C10orf88: variants seen among roughly 807,000 people sequenced by gnomAD.
The protein encoded by C10orf88 is chromosome 10 open reading frame 88, also known as ATPase PAAT.
A neutral mutation model predicts 34.2 loss-of-function variants in C10orf88; 29 were observed. The ratio of observed to expected loss-of-function variants is 0.85; its 90% confidence interval spans 0.63 to 1.16. The LOEUF (loss-of-function observed/expected upper bound fraction) is 1.16, where lower values mean the gene tolerates loss of function less well. Ranked by LOEUF, C10orf88 falls within the 50% of genes most tolerant of loss-of-function variation. The probability of loss-of-function intolerance (pLI) is 0.00; values close to 1 mark genes in which losing one functional copy is unlikely to be tolerated. For synonymous variants in C10orf88, 194 were observed against 197.4 expected (o/e 0.98, Z 0.15); for missense variants, 507 against 533.2 (o/e 0.95, Z 0.48).
Position 122,932,484 on chromosome 10 carries a change from A to C in C10orf88, c.1281T>G (p.Thr427=), listed in dbSNP as rs559444135. 1 of 1,614,076 alleles carries C rather than the reference A, an allele frequency of 6.2e-7. No individual in the cohort carries two copies. Among genetic ancestry groups the C allele is most frequent in the Non-Finnish European group, 8.5e-7 (1 of 1,179,980 alleles). ...DLLQNPNSPP[T]GIPLRHYDSG... is the part of the protein sequence containing the mutation. ...AGTCATAATGTCTTAGAGGTATCCC[A>C]GTGGGCGGGGAGTTAGGATTTTGCA... Residue 427 remains threonine (T), a synonymous_variant, in exon 6 of 6, where the codon ACT becomes ACG. Coordinates refer to ENST00000481909, the MANE Select transcript of C10orf88 (RefSeq NM_024942.4).
rs751782245 is a variant in C10orf88 at position 122,942,968 on chromosome 10, C to T, written c.649-4809G>A. On this transcript the variant is annotated intron_variant, in intron 4 of 5. Transcript: ENST00000481909. ...TACTGCCCAAGGTAATTTACAGATT[C>T]AATGCCATCCCCATCAAGCTACCAA... Among the ~76,000 whole-genome samples the T allele has an allele frequency of 4.3e-3, 651 of 149,816 alleles. 1 individual carries two copies. Among genetic ancestry groups the T allele is most frequent in the Non-Finnish European group, 6.7e-3 (454 of 67,500 alleles).
chr10:122,951,684 T>C (rs1848691246), intron 3 of C10orf88, among the ~76,000 whole-genome samples: 1 of 152,144 alleles, frequency 6.6e-6, no homozygotes, highest in Admixed American at 6.5e-5. Flanking sequence ...TTTAAAAAAT[T>C]TGCCAGGCAT....
At chr10:122,950,634 T>C (rs1437370288) in intron 3 of C10orf88, among the ~76,000 whole-genome samples, 1 of 152,218 alleles carries the variant, frequency 6.6e-6, no homozygotes, top group East Asian at 1.9e-4. Flanking sequence ...CACCATTAAA[T>C]ATAGTATTTA....
At chr10:122,953,462 T>C (rs1459770083) in intron 1 of C10orf88, among the ~76,000 whole-genome samples, 1 of 152,114 alleles carries the variant, frequency 6.6e-6, no homozygotes, top group East Asian at 1.9e-4. Context: ...AACACAGAAT[T>C]CATACGGAAA....
Position 122,932,536 on chromosome 10 carries a change from T to C in C10orf88, c.1229A>G (p.Asp410Gly), listed in dbSNP as rs1158169943. The C allele has an allele frequency of 1.9e-6, 3 of 1,614,036 alleles. No individual in the cohort carries two copies. The highest frequency in any genetic ancestry group is 2.5e-6 in the Non-Finnish European group (3 of 1,179,978). The change falls in exon 6 of 6, where the codon GAT becomes GGT. Residue 410 changes from aspartate to glycine, a missense_variant. Transcript: ENST00000481909. ...RIHELQEHIDDKIALLLDLLQ... is the reference protein window; with the variant it reads ...RIHELQEHIDGKIALLLDLLQ... Reference sequence around the variant, plus strand: ...CAAATCCAGTAACAAAGCAATCTTATCATCAATGTGCTCCTGGAGTTCATG... The same window carrying C: ...CAAATCCAGTAACAAAGCAATCTTACCATCAATGTGCTCCTGGAGTTCATG...
At chr10:122,942,142 C>T (rs1400140859) in intron 4 of C10orf88, among the ~76,000 whole-genome samples, 1 of 152,010 alleles carries the variant, frequency 6.6e-6, no homozygotes. Context: ...AATAATCAGA[C>T]AGTAAACTAA....
At chr10:122,936,979 A>G (rs976525649) in intron 5 of C10orf88, among the ~76,000 whole-genome samples, 15 of 151,952 alleles carry the variant, frequency 9.9e-5, no homozygotes, top group African/African-American at 3.1e-4. Flanking sequence ...ATAAATGTCA[A>G]CTCAATCCTG....
intron 4 of C10orf88, among the ~76,000 whole-genome samples, chr10:122,944,686 C>T (rs1276696885): frequency 6.6e-6 from 1 of 152,050 alleles, no homozygotes; most frequent in East Asian, 1.9e-4. Context: ...GATTCTGACA[C>T]AGGTGTTCAA....
chr10:122,948,559 A>C (rs1220164105), intron 4 of C10orf88, 90 bp downstream of exon 4: 1 of 1,235,900 alleles, frequency 8.1e-7, no homozygotes, highest in Non-Finnish European at 1.1e-6. Context: ...TCAGTATGAA[A>C]GAAAAATTTT....
intron 3 of C10orf88, 81 bp downstream of exon 3, chr10:122,951,873 T>G (rs1316112684): frequency 7.0e-6 from 6 of 852,468 alleles, no homozygotes; most frequent in Non-Finnish European, 1.1e-5. Context: ...ACTAATTGTA[T>G]TACTAATCCA....
chr10:122,952,238 CAT>C (rs1848696924), intron 2 of C10orf88, among the ~76,000 whole-genome samples: 1 of 152,082 alleles, frequency 6.6e-6, no homozygotes, highest in African/African-American at 2.4e-5. Flanking sequence ...CATTATATAA[CAT>C]ATGTACAACC....
chr10:122,943,919 T>G (rs1848609886), intron 4 of C10orf88, among the ~76,000 whole-genome samples: 1 of 152,108 alleles, frequency 6.6e-6, no homozygotes, highest in Non-Finnish European at 1.5e-5. Context: ...ACTTTTACAC[T>G]GTTGGTGGGA....
intron 4 of C10orf88, among the ~76,000 whole-genome samples, chr10:122,942,161 C>T (rs1359325877): frequency 1.3e-5 from 2 of 152,100 alleles, no homozygotes; most frequent in South Asian, 2.1e-4. Context: ...AATTAATATC[C>T]TCTAATCGTT....
At chr10:122,944,961 G>A (rs905498854) in intron 4 of C10orf88, among the ~76,000 whole-genome samples, 4 of 150,962 alleles carry the variant, frequency 2.6e-5, no homozygotes, top group Non-Finnish European at 5.9e-5. Flanking sequence ...CCAAGAAATA[G>A]CTGATCAATC....
At chr10:122,947,301 C>T (rs1188874620) in intron 4 of C10orf88, among the ~76,000 whole-genome samples, 1 of 150,842 alleles carries the variant, frequency 6.6e-6, no homozygotes, top group African/African-American at 2.5e-5. Flanking sequence ...GTGAACCACA[C>T]AACATCTACA....
chr10:122,944,388 G>T (rs1184261426), intron 4 of C10orf88, among the ~76,000 whole-genome samples: 3 of 109,004 alleles, frequency 2.8e-5, no homozygotes, highest in Non-Finnish European at 5.4e-5. Flanking sequence ...GGTGGGGGGA[G>T]GGGGGAGGGA....
At position 122,932,003 on chromosome 10, in the gene C10orf88, C is replaced by T. The variant is rs983079544; in HGVS notation, c.*424G>A. The T allele has an allele frequency of 1.3e-5, 2 of 153,208 alleles. No individual in the cohort carries two copies. Among genetic ancestry groups the T allele is most frequent in the African/African-American group, 4.8e-5 (2 of 41,444 alleles). 9.5% of individuals were successfully genotyped at this position (153,208 alleles called of 1,614,324 possible). A position where few individuals can be genotyped will look rare whatever the true frequency, so the allele number is the denominator to read the frequency against. On this transcript the variant is annotated 3_prime_UTR_variant, in exon 6 of 6. Transcript: ENST00000481909. ...AGTAAAGGCTCCAAGTCTTAAGTAT[C>T]CAATTTTCCAAGATAATTAGAAAAA...
intron 5 of C10orf88, among the ~76,000 whole-genome samples, chr10:122,933,909 C>T (rs564026569): frequency 1.3e-4 from 20 of 151,990 alleles, no homozygotes; most frequent in African/African-American, 4.6e-4. Flanking sequence ...TTCATAAAGA[C>T]TGTTATTTAT....
intron 5 of C10orf88, among the ~76,000 whole-genome samples, chr10:122,935,281 T>G (rs1848524454): frequency 6.6e-6 from 1 of 152,066 alleles, no homozygotes; most frequent in Non-Finnish European, 1.5e-5. Context: ...GCTTTATAGT[T>G]TTATATTTTA....
Sources: gnomAD v4.1 joint callset for allele counts (sites outside exome capture counted in the v4.1 genomes callset) on GRCh38, gnomAD v4.1.1 for gene constraint, MANE v1.5 for transcripts, NCBI Gene and HGNC (gene_info 2026-07-23, HGNC 2026-07-21) for gene names.